Variants in LGR5 observed in about 807,000 individuals in gnomAD.
LGR5 encodes the protein leucine rich repeat containing G protein-coupled receptor 5, also known as leucine-rich repeat-containing G protein-coupled receptor 5.
A neutral mutation model predicts 76.7 loss-of-function variants in LGR5; 54 were observed. That is an observed-to-expected ratio of 0.70 (90% CI 0.57 to 0.88). The LOEUF is 0.88. LGR5 is among the 40% of genes least tolerant of loss of function. LGR5 has a pLI of 0.00. For synonymous variants in LGR5, 406 were observed against 421.9 expected (o/e 0.96, Z 0.46); for missense variants, 1,078 against 1,073.3 (o/e 1.00, Z -0.06).
intron 3 of LGR5, among the ~76,000 whole-genome samples, chr12:71,528,720 A>G (rs1876146708): frequency 6.6e-6 from 1 of 152,190 alleles, no homozygotes; most frequent in East Asian, 1.9e-4. Context: ...TAATTATATA[A>G]TGATTTATTT....
At chr12:71,548,346 C>T (rs1423391370) in intron 4 of LGR5, among the ~76,000 whole-genome samples, 2 of 114,274 alleles carry the variant, frequency 1.8e-5, no homozygotes, top group African/African-American at 5.5e-5. Context: ...TATACACATG[C>T]ATAGCAATAA....
intron 1 of LGR5, among the ~76,000 whole-genome samples, chr12:71,478,142 C>A (rs535430634): frequency 6.6e-6 from 1 of 152,070 alleles, no homozygotes; most frequent in Non-Finnish European, 1.5e-5. Flanking sequence ...CAGACTTGTT[C>A]TAAAAAGACT....
chr12:71,489,947 G>A (rs948590305), intron 1 of LGR5, among the ~76,000 whole-genome samples: 1 of 152,050 alleles, frequency 6.6e-6, no homozygotes, highest in Non-Finnish European at 1.5e-5. Context: ...TCATGGAATG[G>A]TCGTCATCCT....
intron 11 of LGR5, among the ~76,000 whole-genome samples, chr12:71,567,664 C>G (rs1377870753): frequency 2.3e-4 from 35 of 152,136 alleles, no homozygotes; most frequent in Admixed American, 2.2e-3. Flanking sequence ...TAGCAGCACT[C>G]AGAATGTTAA....
chr12:71,454,679 A>C (rs911429264), intron 1 of LGR5, among the ~76,000 whole-genome samples: 3 of 152,094 alleles, frequency 2.0e-5, no homozygotes, highest in African/African-American at 7.2e-5. Flanking sequence ...CATAGCACAG[A>C]GCTTGGTTAC....
chr12:71,501,850 A>T (rs1334973451), intron 1 of LGR5, among the ~76,000 whole-genome samples: 2 of 152,244 alleles, frequency 1.3e-5, no homozygotes, highest in Non-Finnish European at 2.9e-5. Context: ...TTTGGAATAC[A>T]CTGAGCTGGA....
chr12:71,579,997 T>G (rs1273650310), intron 15 of LGR5, among the ~76,000 whole-genome samples: 1 of 151,992 alleles, frequency 6.6e-6, no homozygotes, highest in East Asian at 1.9e-4. Context: ...CTTAGCAGCC[T>G]TTTTTTTAAC....
chr12:71,579,438 A>G (rs1281693656), intron 15 of LGR5, among the ~76,000 whole-genome samples: 1 of 152,232 alleles, frequency 6.6e-6, no homozygotes, highest in Non-Finnish European at 1.5e-5. Flanking sequence ...GAAAATAATA[A>G]AACCCCAAAA....
intron 13 of LGR5, 26 bp downstream of exon 13, chr12:71,572,947 C>T: frequency 6.4e-7 from 1 of 1,564,504 alleles, no homozygotes; most frequent in South Asian, 1.1e-5. Flanking sequence ...CAGTGCGTTC[C>T]CCAGCACAGA....
intron 1 of LGR5, among the ~76,000 whole-genome samples, chr12:71,492,825 T>A (rs1874134225): frequency 6.9e-6 from 1 of 145,886 alleles, no homozygotes; most frequent in Admixed American, 6.6e-5. Flanking sequence ...TTGGACTTTG[T>A]CCCTGTAGCT....
At chr12:71,573,284 A>T (rs1878698680) in intron 13 of LGR5, among the ~76,000 whole-genome samples, 1 of 152,016 alleles carries the variant, frequency 6.6e-6, no homozygotes. Flanking sequence ...CTGGTTAAGC[A>T]TTTTTTTCAA....
intron 1 of LGR5, among the ~76,000 whole-genome samples, chr12:71,475,432 T>C (rs1873286195): frequency 6.6e-6 from 1 of 152,186 alleles, no homozygotes; most frequent in Non-Finnish European, 1.5e-5. Flanking sequence ...TCCAGGATAG[T>C]CTGAACTTCT....
chr12:71,460,537 A>G (rs1872645196), intron 1 of LGR5, among the ~76,000 whole-genome samples: 2 of 152,032 alleles, frequency 1.3e-5, no homozygotes, highest in Non-Finnish European at 2.9e-5. Flanking sequence ...TATCTGTTAT[A>G]TCTTCTGCTA....
At chr12:71,454,776 AACACACAC>A (rs35219754) in intron 1 of LGR5, among the ~76,000 whole-genome samples, 3 of 146,944 alleles carry the variant, frequency 2.0e-5, no homozygotes, top group African/African-American at 5.0e-5. Context: ...CATAGACACA[AACACACAC>A]ACACACACAC....
intron 8 of LGR5, among the ~76,000 whole-genome samples, chr12:71,563,137 A>G (rs539852797): frequency 2.0e-5 from 3 of 151,974 alleles, no homozygotes; most frequent in Admixed American, 2.0e-4. Flanking sequence ...CCCCAACTCT[A>G]TATATATTAG....
Position 71,584,482 on chromosome 12 carries a change from T to A in LGR5, c.2472T>A (p.Asn824Lys). ...CLNPLLYILF[N>K]PHFKEDLVSL... ...ATCCCCTTCTCTACATCTTGTTCAA[T>A]CCTCACTTTAAGGAGGATCTGGTGA... is the stretch of plus-strand genomic sequence containing the variant. The change falls in exon 18 of 18, where the codon AAT (asparagine) becomes AAA (lysine). Residue 824 changes from asparagine to lysine, a missense_variant. Physicochemically the swap from Asn to Lys is moderately conservative, Grantham distance 94. Transcript: ENST00000266674. The A allele has an allele frequency of 6.2e-7, 1 of 1,614,180 alleles. No individual in the cohort carries two copies. Among genetic ancestry groups the A allele is most frequent in the Non-Finnish European group, 8.5e-7 (1 of 1,180,026 alleles).
intron 1 of LGR5, among the ~76,000 whole-genome samples, chr12:71,477,962 AC>A (rs1383009333): frequency 6.6e-6 from 1 of 152,090 alleles, no homozygotes; most frequent in East Asian, 1.9e-4. Context: ...TTGAGTTCCC[AC>A]CCATACCTCA....
intron 2 of LGR5, among the ~76,000 whole-genome samples, chr12:71,508,001 A>G (rs991084828): frequency 5.3e-5 from 8 of 151,686 alleles, no homozygotes; most frequent in African/African-American, 1.9e-4. Context: ...CGGGCAGATC[A>G]CGAGTTCAGG....
intron 3 of LGR5, among the ~76,000 whole-genome samples, chr12:71,532,296 T>C (rs530785974): frequency 1.6e-4 from 24 of 152,198 alleles, no homozygotes; most frequent in Non-Finnish European, 2.4e-4. Flanking sequence ...TCCAAACTTT[T>C]AATATTCAGA....
Sources: gnomAD v4.1 joint callset for allele counts (sites outside exome capture counted in the v4.1 genomes callset) on GRCh38, gnomAD v4.1.1 for gene constraint, MANE v1.5 for transcripts, NCBI Gene and HGNC (gene_info 2026-07-23, HGNC 2026-07-21) for gene names.